SMOC1: variants seen among roughly 807,000 people sequenced by gnomAD.
The protein encoded by SMOC1 is SPARC-related modular calcium-binding protein 1.
In SMOC1, 22 loss-of-function variants were observed where a neutral mutation model predicts 56.3. That is an observed-to-expected ratio of 0.39 (90% CI 0.28 to 0.56). SMOC1 has a LOEUF of 0.56. Ranked by LOEUF, SMOC1 falls within the 20% of genes least tolerant of loss-of-function variation. The pLI, the probability that SMOC1 is intolerant of heterozygous loss-of-function variation, is 0.61. For missense variants in SMOC1, 509 were observed against 565.4 expected (o/e 0.90, Z 1.01); for synonymous variants, 193 against 215.0 (o/e 0.90, Z 0.89).
chr14:70,028,931 G>C lies in SMOC1; in HGVS notation c.1292-1311G>C, dbSNP rs573163794. The stretch of plus-strand genomic sequence containing the variant: ...GGAGCTGTGGCTCACATGACCAGCG[G>C]GTGGGCTTGGGTTCTGCAGCGCTGT... On this transcript the variant is annotated intron_variant, in intron 11 of 11. Coordinates refer to ENST00000361956, the MANE Select transcript of SMOC1 (RefSeq NM_001034852.3). Among the ~76,000 whole-genome samples the C allele has an allele frequency of 2.6e-5, 4 of 152,334 alleles. No homozygotes were observed. In the East Asian group the frequency reaches 7.7e-4, roughly 29 times the overall value.
chr14:69,890,125 C>G (rs948121215), intron 1 of SMOC1, among the ~76,000 whole-genome samples: 2 of 152,184 alleles, frequency 1.3e-5, no homozygotes, highest in African/African-American at 4.8e-5. Flanking sequence ...ATAGAAAGTG[C>G]TTTACAATTG....
chr14:69,995,851 G>A (rs928403840), intron 7 of SMOC1, among the ~76,000 whole-genome samples: 2 of 152,122 alleles, frequency 1.3e-5, no homozygotes, highest in African/African-American at 4.8e-5. Context: ...ATTTATGATT[G>A]TCACCTTAAG....
chr14:69,977,095 A>G (rs561991213), intron 4 of SMOC1, among the ~76,000 whole-genome samples: 5 of 152,356 alleles, frequency 3.3e-5, no homozygotes, highest in Admixed American at 2.0e-4. Context: ...GCCATGCAGG[A>G]TAATATGTTT....
At chr14:69,907,762 G>A (rs575796656) in intron 1 of SMOC1, among the ~76,000 whole-genome samples, 3 of 152,212 alleles carry the variant, frequency 2.0e-5, no homozygotes, top group Non-Finnish European at 4.4e-5. Flanking sequence ...AGTTCTGGAG[G>A]CTGGAAGTCC....
intron 1 of SMOC1, among the ~76,000 whole-genome samples, chr14:69,902,929 G>T (rs1328857774): frequency 6.6e-6 from 1 of 152,216 alleles, no homozygotes; most frequent in Non-Finnish European, 1.5e-5. Flanking sequence ...GCTCAGTGTT[G>T]CCTAGGCTGG....
intron 1 of SMOC1, among the ~76,000 whole-genome samples, chr14:69,940,637 C>A (rs1175742215): frequency 1.3e-5 from 2 of 152,188 alleles, no homozygotes; most frequent in Admixed American, 6.5e-5. Flanking sequence ...TTTGCCTTTG[C>A]ACCCCCACAA....
intron 3 of SMOC1, among the ~76,000 whole-genome samples, chr14:69,965,570 A>G (rs1883544765): frequency 6.6e-6 from 1 of 152,044 alleles, no homozygotes; most frequent in Non-Finnish European, 1.5e-5. Context: ...TGACAAGTAG[A>G]GTAGCTCACA....
intron 1 of SMOC1, among the ~76,000 whole-genome samples, chr14:69,882,381 T>C (rs1199419611): frequency 6.6e-6 from 1 of 152,198 alleles, no homozygotes; most frequent in Non-Finnish European, 1.5e-5. Flanking sequence ...GGCTCACTAA[T>C]TGAGCTCCCC....
At chr14:69,975,675 G>A (rs761429189) in intron 3 of SMOC1, 40 bp from the exon 4 acceptor site, 7 of 1,452,660 alleles carry the variant, frequency 4.8e-6, no homozygotes, top group East Asian at 4.5e-5. Flanking sequence ...TATTGTGACC[G>A]AGACTTATGG....
intron 1 of SMOC1, among the ~76,000 whole-genome samples, chr14:69,929,010 G>A (rs569061442): frequency 2.3e-4 from 35 of 152,296 alleles, no homozygotes; most frequent in African/African-American, 8.4e-4. Flanking sequence ...CTCTCTGGAG[G>A]GTCCTGATCC....
At chr14:70,028,273 T>C (rs1333591622) in intron 11 of SMOC1, among the ~76,000 whole-genome samples, 1 of 152,160 alleles carries the variant, frequency 6.6e-6, no homozygotes, top group Non-Finnish European at 1.5e-5. Flanking sequence ...TAGTGCCTCC[T>C]TTTCTCAGAA....
At chr14:69,916,070 G>A (rs1462398703) in intron 1 of SMOC1, among the ~76,000 whole-genome samples, 3 of 152,120 alleles carry the variant, frequency 2.0e-5, no homozygotes, top group Non-Finnish European at 4.4e-5. Flanking sequence ...CTCTATGTGG[G>A]CGTCTGATAG....
chr14:69,950,613 G>C (rs1239569383), intron 1 of SMOC1, among the ~76,000 whole-genome samples: 1 of 152,192 alleles, frequency 6.6e-6, no homozygotes, highest in African/African-American at 2.4e-5. Flanking sequence ...CCAATCTGAT[G>C]AAGAGCCTCA....
intron 1 of SMOC1, among the ~76,000 whole-genome samples, chr14:69,928,313 C>A (rs760509167): frequency 1.3e-5 from 2 of 152,180 alleles, no homozygotes; most frequent in African/African-American, 4.8e-5. Flanking sequence ...TGATTTATTT[C>A]GAGATTTTCC....
At chr14:69,932,305 C>A (rs1324859319) in intron 1 of SMOC1, among the ~76,000 whole-genome samples, 1 of 152,196 alleles carries the variant, frequency 6.6e-6, no homozygotes, top group Non-Finnish European at 1.5e-5. Context: ...AGTAAACTTG[C>A]TGTTTTGCTG....
At position 69,973,305 on chromosome 14, in the gene SMOC1, C is replaced by T. The variant is rs181113513; in HGVS notation, c.379-2410C>T. On this transcript the variant is annotated intron_variant, in intron 3 of 11. Coordinates refer to ENST00000361956, the MANE Select transcript of SMOC1 (RefSeq NM_001034852.3). ...TCACCACCGCCACTCCATATCCAGC[C>T]TTCGCTGGGTGCCAGACAATGGACT... Among the ~76,000 whole-genome samples the T allele has an allele frequency of 5.3e-5, 8 of 152,336 alleles. No individual in the cohort carries two copies. The East Asian group carries it at 1.5e-3, about 29-fold the overall frequency.
intron 3 of SMOC1, among the ~76,000 whole-genome samples, chr14:69,955,593 T>C (rs1420003122): frequency 3.3e-5 from 5 of 152,096 alleles, no homozygotes; most frequent in Admixed American, 3.3e-4. Flanking sequence ...AAATAATATA[T>C]AAATTTTTGT....
intron 1 of SMOC1, among the ~76,000 whole-genome samples, chr14:69,913,062 CA>C (rs750704884): frequency 9.9e-5 from 15 of 152,174 alleles, no homozygotes; most frequent in Non-Finnish European, 1.8e-4. Context: ...CACAGTTTGA[CA>C]ACGAAGAAGG....
In SMOC1 at chr14:69,953,358, T is replaced by C; in HGVS notation, c.266-62T>C. The C allele has an allele frequency of 3.3e-6, 5 of 1,511,268 alleles. No homozygotes were observed. The East Asian group carries it at 1.1e-4, about 34-fold the overall frequency. The allele number at this position is 1,511,268 out of a possible 1,614,324, so 93.6% of individuals were successfully genotyped here. On this transcript the variant is annotated intron_variant, in intron 2 of 11. Transcript: ENST00000361956. Reference sequence around the variant, plus strand: ...GGTGGAGTGGTTTTCTCAGCCATTTTGTCCCTCGGCCCCAGTGTCGAATCC... The same window carrying C: ...GGTGGAGTGGTTTTCTCAGCCATTTCGTCCCTCGGCCCCAGTGTCGAATCC...
Sources: allele counts gnomAD v4.1 joint callset (sites outside exome capture counted in the v4.1 genomes callset), GRCh38; gene constraint gnomAD v4.1.1; transcripts MANE v1.5; gene names NCBI Gene and HGNC (gene_info 2026-07-23, HGNC 2026-07-21).